The following PRPSAP1 variants were observed in gnomAD, a reference collection of about 807,000 sequenced individuals.
PRPSAP1 encodes phosphoribosyl pyrophosphate synthetase associated protein 1.
A neutral mutation model predicts 39.4 loss-of-function variants in PRPSAP1; 31 were observed. The observed-to-expected ratio is 0.79, with a 90% confidence interval of 0.59 to 1.06. PRPSAP1 has a LOEUF of 1.06. PRPSAP1 is among the 50% of genes least tolerant of loss of function. PRPSAP1 has a pLI of 0.00. For synonymous variants in PRPSAP1, 212 were observed against 192.6 expected, an observed-to-expected ratio of 1.10 and a Z score of -0.83; for missense variants, 430 against 511.6, an observed-to-expected ratio of 0.84 and a Z score of 1.54.
At chr17:76,317,024 T>A (rs1173831269) in intron 7 of PRPSAP1, among the ~76,000 whole-genome samples, 1 of 152,258 alleles carries the variant, frequency 6.6e-6, no homozygotes, top group African/African-American at 2.4e-5. Context: ...CTTTGTCTAT[T>A]TCTAGTTCAA....
intron 3 of PRPSAP1, among the ~76,000 whole-genome samples, chr17:76,334,399 G>A (rs578017345): frequency 6.6e-6 from 1 of 152,196 alleles, no homozygotes; most frequent in South Asian, 2.1e-4. Context: ...GAAATACTCA[G>A]CAAGAGATGC....
rs1239923131 is a variant in PRPSAP1, at chr17:76,321,530, C to CA, written c.781+7186dup. ...ACTCTGTCACACACACACACACGCA[C>CA]AAAAAAAAAGACAGCAAACTTAGTA... On this transcript the variant is annotated intron_variant, in intron 7 of 9. Transcript: ENST00000446526. Among the ~76,000 whole-genome samples, 14 of 150,820 alleles carry CA rather than the reference C, an allele frequency of 9.3e-5. No homozygotes were observed. The South Asian group carries it at 2.5e-3, about 27-fold the overall frequency.
intron 3 of PRPSAP1, among the ~76,000 whole-genome samples, chr17:76,335,360 T>C (rs1212654652): frequency 6.6e-6 from 1 of 152,052 alleles, no homozygotes; most frequent in African/African-American, 2.4e-5. Context: ...TTTTTGTTTT[T>C]TGTTTTGTTT....
chr17:76,330,652 T>C lies in PRPSAP1; in HGVS notation c.478A>G (p.Ile160Val). 6.2e-7 allele frequency: 1 copy of C among 1,607,866 alleles called. No individual in the cohort carries two copies. Among genetic ancestry groups the C allele is most frequent in the Non-Finnish European group, 8.5e-7 (1 of 1,176,422 alleles). ...TCCTTTTGATGAAGATCCATAGTGA[T>C]AATGTGAGTTAAACCTGAAATTTTA... is the stretch of plus-strand genomic sequence containing the variant. The part of the protein sequence containing the change: ...MLAKAGLTHI[I>V]TMDLHQKEIQ... The change falls in exon 5 of 10, where the codon ATC becomes GTC. Residue 160 changes from isoleucine (I) to valine (V), a missense_variant. By Grantham distance (29) the Ile-to-Val change is conservative (BLOSUM62 3). Transcript: ENST00000446526.
intron 3 of PRPSAP1, among the ~76,000 whole-genome samples, chr17:76,338,815 C>T (rs2071405477): frequency 6.6e-6 from 1 of 152,040 alleles, no homozygotes; most frequent in South Asian, 2.1e-4. Flanking sequence ...GGATGGATCA[C>T]CTGAGGTCAG....
chr17:76,314,820 T>C (rs1673036060), intron 7 of PRPSAP1: 1 of 152,320 alleles, frequency 6.6e-6, no homozygotes, highest in South Asian at 2.1e-4. Flanking sequence ...CAGCAGAGCA[T>C]GGAAGATTCT....
intron 3 of PRPSAP1, among the ~76,000 whole-genome samples, chr17:76,336,033 T>A (rs1264023493): frequency 1.3e-5 from 2 of 152,088 alleles, no homozygotes; most frequent in African/African-American, 4.8e-5. Context: ...TACACAAGTG[T>A]ATGACACCAT....
chr17:76,350,221 C>T (rs1003379519), intron 1 of PRPSAP1, among the ~76,000 whole-genome samples: 14 of 151,888 alleles, frequency 9.2e-5, no homozygotes, highest in African/African-American at 3.4e-4. Context: ...GGGCGGATCA[C>T]GAGGTCAGGA....
chr17:76,334,608 G>GC (rs2071359506), intron 3 of PRPSAP1, among the ~76,000 whole-genome samples: 1 of 149,758 alleles, frequency 6.7e-6, no homozygotes, highest in African/African-American at 2.5e-5. Context: ...CTTAACTATT[G>GC]CAAGCATTCT....
At chr17:76,353,277 G>C (rs937142504) in intron 1 of PRPSAP1, 7 of 468,702 alleles carry the variant, frequency 1.5e-5, no homozygotes, top group South Asian at 3.2e-5. Context: ...CTGCGGAGAC[G>C]AAAGGCAGGC....
At chr17:76,319,656 AC>A (rs2071166827) in intron 7 of PRPSAP1, among the ~76,000 whole-genome samples, 1 of 151,708 alleles carries the variant, frequency 6.6e-6, no homozygotes, top group Non-Finnish European at 1.5e-5. Context: ...TTTAGTAGAG[AC>A]GGGGTTTCAC....
intron 3 of PRPSAP1, among the ~76,000 whole-genome samples, chr17:76,332,879 G>A (rs2071337864): frequency 6.6e-6 from 1 of 151,940 alleles, no homozygotes; most frequent in Admixed American, 6.6e-5. Context: ...GTGTGGGGAG[G>A]TCTTGGAATA....
chr17:76,314,885 C>CA (rs2071106912), intron 7 of PRPSAP1, among the ~76,000 whole-genome samples: 2 of 152,318 alleles, frequency 1.3e-5, no homozygotes, highest in South Asian at 4.1e-4. Context: ...CCCACTCTCA[C>CA]AGAGACTGAC....
intron 3 of PRPSAP1, chr17:76,337,441 CAACAACA>C (rs1567806162): frequency 1.3e-5 from 1 of 78,378 alleles, no homozygotes; most frequent in African/African-American, 4.9e-5. Flanking sequence ...ACAACAACAA[CAACAACA>C]AACTAACCTG....
intron 4 of PRPSAP1, among the ~76,000 whole-genome samples, chr17:76,331,559 T>G (rs1469882534): frequency 6.6e-6 from 1 of 152,202 alleles, no homozygotes; most frequent in African/African-American, 2.4e-5. Context: ...ATGACTGTGT[T>G]GGTTATATGC....
chr17:76,337,716 C>G (rs1180301979), intron 3 of PRPSAP1, among the ~76,000 whole-genome samples: 1 of 152,170 alleles, frequency 6.6e-6, no homozygotes, highest in Non-Finnish European at 1.5e-5. Flanking sequence ...ATCGATTCTC[C>G]CACCTCAGCC....
chr17:76,353,455 GA>G, intron 1 of PRPSAP1, 78 bp downstream of exon 1: 1 of 1,335,750 alleles, frequency 7.5e-7, no homozygotes, highest in Non-Finnish European at 9.8e-7. Context: ...GGGGCGGGTG[GA>G]GGGGAGCGGG....
In PRPSAP1 at chr17:76,328,873, A is replaced by C. The variant is rs2071284466; in HGVS notation, c.636-11T>G. Reference sequence around the variant, plus strand: ...GCATAGGACTGGGCCCTAGAAGGACAAAGGGAAATGGTGAAACTGACAGGA... The same window carrying C: ...GCATAGGACTGGGCCCTAGAAGGACCAAGGGAAATGGTGAAACTGACAGGA... On this transcript the variant is annotated splice_polypyrimidine_tract_variant and intron_variant, in intron 6 of 9. Coordinates refer to ENST00000446526, the MANE Select transcript of PRPSAP1 (RefSeq NM_002766.3). 2 of 1,600,322 alleles carry C rather than the reference A, an allele frequency of 1.2e-6. No individual in the cohort carries two copies. Among genetic ancestry groups the C allele is most frequent in the East Asian group, 4.5e-5 (2 of 44,710 alleles).
At position 76,318,342 on chromosome 17, in the gene PRPSAP1, C is replaced by T. The variant is rs571970503; in HGVS notation, c.782-4451G>A. On this transcript the variant is annotated intron_variant, in intron 7 of 9. Coordinates refer to ENST00000446526, the MANE Select transcript of PRPSAP1 (RefSeq NM_002766.3). ...TCAAGCACCTGTAATCCCAGCTACT[C>T]GGGAGGCTGAGGCAGGAGAATCGCT... 6.5e-4 allele frequency among the ~76,000 whole-genome samples: 99 copies of T among 151,946 alleles called. 1 individual carries two copies. Among genetic ancestry groups the T allele is most frequent in the Non-Finnish European group, 1.1e-3 (73 of 67,976 alleles).
Sources: allele counts gnomAD v4.1 joint callset (sites outside exome capture counted in the v4.1 genomes callset), GRCh38; gene constraint gnomAD v4.1.1; transcripts MANE v1.5; gene names NCBI Gene and HGNC (gene_info 2026-07-23, HGNC 2026-07-21).